SMCO2: variants seen among roughly 807,000 people sequenced by gnomAD.
SMCO2 encodes single-pass membrane and coiled-coil domain-containing protein 2.
Under a neutral mutation model 29.5 loss-of-function variants are expected in SMCO2, and 25 were observed. The ratio of observed to expected loss-of-function variants is 0.85; its 90% CI spans 0.62 to 1.18. SMCO2 has a LOEUF of 1.18. Among genes scored for constraint, SMCO2 ranks in the 50% most tolerant of loss-of-function variants. The pLI is 0.00. For synonymous variants in SMCO2, 117 were observed against 123.3 expected (o/e 0.95, Z 0.34); for missense variants, 348 against 344.5 (o/e 1.01, Z -0.08).
chr12:27,455,788 A>T, the SMCO2 span, among the ~76,000 whole-genome samples: 1 of 152,260 alleles, frequency 6.6e-6, no homozygotes, highest in Non-Finnish European at 1.5e-5. Flanking sequence ...ATGTTGTGAA[A>T]TATTATGCAA....
At chr12:27,459,807 C>T in the SMCO2 span, among the ~76,000 whole-genome samples, 5 of 152,150 alleles carry the variant, frequency 3.3e-5, no homozygotes, top group African/African-American at 1.2e-4. Flanking sequence ...AAGGGGAACA[C>T]AGGGCATGCC....
intron 1 of SMCO2, among the ~76,000 whole-genome samples, chr12:27,468,531 G>A (rs574408587): frequency 2.8e-4 from 43 of 152,336 alleles, no homozygotes; most frequent in South Asian, 4.1e-4. Flanking sequence ...CATGATAGTC[G>A]TTGGGCATGT....
intron 7 of SMCO2, chr12:27,497,867 C>CA: frequency 3.1e-6 from 1 of 318,168 alleles, no homozygotes; most frequent in Non-Finnish European, 6.1e-6. Flanking sequence ...TCTGCACTTC[C>CA]AAAAAATATT....
At chr12:27,428,083 T>C in the SMCO2 span, among the ~76,000 whole-genome samples, 1 of 151,934 alleles carries the variant, frequency 6.6e-6, no homozygotes, top group South Asian at 2.1e-4. Context: ...ATCAGAAACA[T>C]CTCTGAACAC....
chr12:27,486,309 C>G (rs1435310001), intron 4 of SMCO2, among the ~76,000 whole-genome samples: 1 of 152,164 alleles, frequency 6.6e-6, no homozygotes, highest in Non-Finnish European at 1.5e-5. Context: ...GAGCTTCTAA[C>G]TTCATCTTCT....
chr12:27,455,541 C>T, the SMCO2 span, among the ~76,000 whole-genome samples: 1 of 152,144 alleles, frequency 6.6e-6, no homozygotes, highest in Non-Finnish European at 1.5e-5. Context: ...CCATTAAAAC[C>T]TGCATGCTGT....
chr12:27,445,278 A>G, the SMCO2 span, among the ~76,000 whole-genome samples: 2 of 152,242 alleles, frequency 1.3e-5, no homozygotes. Context: ...GGTAAATTAT[A>G]CATGTATAGT....
the SMCO2 span, among the ~76,000 whole-genome samples, chr12:27,428,667 G>A: frequency 6.0e-5 from 9 of 150,022 alleles, no homozygotes; most frequent in Non-Finnish European, 1.0e-4. Context: ...TTAAATTCTT[G>A]TCCAGCTGTG....
At chr12:27,499,643 T>C (rs886248117) in intron 7 of SMCO2, among the ~76,000 whole-genome samples, 1 of 150,844 alleles carries the variant, frequency 6.6e-6, no homozygotes, top group African/African-American at 2.5e-5. Flanking sequence ...TGAATGCCTT[T>C]CACGTATCGC....
At chr12:27,446,089 A>G in the SMCO2 span, among the ~76,000 whole-genome samples, 1 of 152,036 alleles carries the variant, frequency 6.6e-6, no homozygotes, top group Admixed American at 6.6e-5. Context: ...TTTTTAGTAG[A>G]GATGGGGTTT....
At chr12:27,485,265 CT>C (rs1260295070) in intron 4 of SMCO2, among the ~76,000 whole-genome samples, 1 of 151,882 alleles carries the variant, frequency 6.6e-6, no homozygotes, top group Non-Finnish European at 1.5e-5. Context: ...ATCTCAGACA[CT>C]GTAGTTTGTG....
the SMCO2 span, among the ~76,000 whole-genome samples, chr12:27,435,474 T>C: frequency 4.6e-5 from 7 of 151,818 alleles, no homozygotes; most frequent in African/African-American, 1.5e-4. Context: ...CTGTTTGTTC[T>C]TTATCTTCAT....
the SMCO2 span, among the ~76,000 whole-genome samples, chr12:27,449,750 T>G: frequency 6.6e-6 from 1 of 152,234 alleles, no homozygotes; most frequent in Non-Finnish European, 1.5e-5. Context: ...ACATTGGACT[T>G]CTATTTCTCT....
the SMCO2 span, among the ~76,000 whole-genome samples, chr12:27,428,469 T>G: frequency 6.6e-6 from 1 of 152,176 alleles, no homozygotes; most frequent in South Asian, 2.1e-4. Context: ...TCAATCTTTT[T>G]GTTTGGCTGT....
intron 4 of SMCO2, 103 bp downstream of exon 5, chr12:27,475,834 A>T: frequency 8.9e-7 from 1 of 1,124,020 alleles, no homozygotes; most frequent in Non-Finnish European, 1.2e-6. Flanking sequence ...TTTAGGCCAT[A>T]GGTATACTTT....
chr12:27,424,806 G>A, the SMCO2 span: 6 of 152,186 alleles, frequency 3.9e-5, no homozygotes, highest in Middle Eastern at 3.2e-3. Flanking sequence ...TGGCCACTAG[G>A]TGCCACTTTT....
chr12:27,436,563 AGAAAG>A, the SMCO2 span, among the ~76,000 whole-genome samples: 1 of 152,182 alleles, frequency 6.6e-6, no homozygotes, highest in African/African-American at 2.4e-5. Context: ...AGAAAACAAA[AGAAAG>A]GAAAGACTGA....
the SMCO2 span, among the ~76,000 whole-genome samples, chr12:27,431,115 A>G: frequency 6.6e-6 from 1 of 152,038 alleles, no homozygotes; most frequent in African/African-American, 2.4e-5. Flanking sequence ...TCCTGGGTTC[A>G]AGCCATTCTC....
the SMCO2 span, among the ~76,000 whole-genome samples, chr12:27,430,272 AC>A: frequency 6.6e-6 from 1 of 152,348 alleles, no homozygotes; most frequent in African/African-American, 2.4e-5. Flanking sequence ...GTTAATAAAC[AC>A]AGTAGAGTTT....
Sources: gnomAD v4.1 joint callset for allele counts (sites outside exome capture counted in the v4.1 genomes callset) on GRCh38, gnomAD v4.1.1 for gene constraint, MANE v1.5 for transcripts, NCBI Gene and HGNC (gene_info 2026-07-23, HGNC 2026-07-21) for gene names.